The following NAMPT variants were observed in gnomAD, a reference collection of about 807,000 sequenced individuals.
NAMPT encodes NAmPRTase.
Under a neutral mutation model 58.7 loss-of-function variants are expected in NAMPT, and 7 were observed. That is an observed-to-expected ratio of 0.12 (90% CI 0.07 to 0.22). NAMPT has a LOEUF of 0.22. NAMPT is among the 10% of genes least tolerant of loss of function. The probability of loss-of-function intolerance (pLI) is 1.00; values close to 1 mark genes in which losing one functional copy is unlikely to be tolerated. For missense variants in NAMPT, 271 were observed against 567.9 expected, an observed-to-expected ratio of 0.48 and a Z score of 5.31; for synonymous variants, 145 against 198.1, an observed-to-expected ratio of 0.73 and a Z score of 2.25.
chr7:106,279,952 G>T (rs948575710), intron 1 of NAMPT, among the ~76,000 whole-genome samples: 1 of 152,092 alleles, frequency 6.6e-6, no homozygotes, highest in Non-Finnish European at 1.5e-5. Flanking sequence ...TAAAAGTATG[G>T]GGGCGGGGTG....
At chr7:106,262,682 C>T (rs1333663925) in intron 7 of NAMPT, among the ~76,000 whole-genome samples, 1 of 152,104 alleles carries the variant, frequency 6.6e-6, no homozygotes, top group Non-Finnish European at 1.5e-5. Flanking sequence ...GGATATCTGA[C>T]TCCTTATCTT....
At chr7:106,262,075 T>G (rs547883134) in intron 7 of NAMPT, among the ~76,000 whole-genome samples, 3 of 152,104 alleles carry the variant, frequency 2.0e-5, no homozygotes. Context: ...GATTATACTT[T>G]TAATTTGGAC....
intron 4 of NAMPT, 127 bp downstream of exon 4, chr7:106,272,403 A>G: frequency 1.3e-6 from 1 of 749,640 alleles, no homozygotes; most frequent in Non-Finnish European, 2.0e-6. Flanking sequence ...AGGAAATTGA[A>G]GCCTGGAAAG....
At chr7:106,272,002 C>A in intron 4 of NAMPT, 2 of 264,294 alleles carry the variant, frequency 7.6e-6, no homozygotes, top group Non-Finnish European at 1.6e-5. Flanking sequence ...AAACCCAAAG[C>A]CCAAAATGTA....
At chr7:106,285,662 C>A, upstream of NAMPT, 7 of 922,194 alleles carry the variant, frequency 7.6e-6, no homozygotes, top group Non-Finnish European at 9.1e-6. Flanking sequence ...GCTGAGGGGC[C>A]CCTTTCATCT....
intron 9 of NAMPT, 21 bp from the exon 10 acceptor site, chr7:106,253,172 G>A (rs1792133341): frequency 1.9e-6 from 3 of 1,608,556 alleles, no homozygotes; most frequent in Non-Finnish European, 1.7e-6. Context: ...AATTAAGAAA[G>A]TTAGACAAGT....
rs1047354887 is a variant in NAMPT at position 106,249,614 on chromosome 7, T to C, written c.*1469A>G. 3 of 152,024 alleles carry C rather than the reference T, an allele frequency of 2.0e-5. No individual in the cohort carries two copies. The highest frequency in any genetic ancestry group is 2.0e-4 in the Admixed American group (3 of 15,234). The allele number at this position is 152,024 out of a possible 1,614,324, so 9.4% of individuals were successfully genotyped here. On this transcript the variant is annotated 3_prime_UTR_variant, in exon 11 of 11. Transcript: ENST00000222553. ...AGATCAGGAAACTTTTTGTGTAATTTTGTGTAAAGGGCAGGTTAATAAACA... is the reference window on the plus strand; with the variant it reads ...AGATCAGGAAACTTTTTGTGTAATTCTGTGTAAAGGGCAGGTTAATAAACA...
Position 106,280,712 on chromosome 7 carries a change from C to T in NAMPT, c.58-3533G>A, listed in dbSNP as rs548063477. Among the ~76,000 whole-genome samples the T allele has an allele frequency of 1.1e-3, 162 of 152,146 alleles. 1 individual carries two copies. The highest frequency in any genetic ancestry group is 3.8e-3 in the African/African-American group (157 of 41,508). On this transcript the variant is annotated intron_variant, in intron 1 of 10. Coordinates refer to ENST00000222553, the MANE Select transcript of NAMPT (RefSeq NM_005746.3). The stretch of plus-strand genomic sequence containing the variant: ...ATCCCAGCACTTTGGGAGGCCAAGA[C>T]GGGTGGATCACGAGGTCGGGAGATG...
At chr7:106,256,842 G>A (rs1792210243) in intron 8 of NAMPT, among the ~76,000 whole-genome samples, 1 of 152,164 alleles carries the variant, frequency 6.6e-6, no homozygotes, top group Non-Finnish European at 1.5e-5. Flanking sequence ...AGGAACATCT[G>A]TATTATCCTT....
intron 4 of NAMPT, chr7:106,270,379 T>C (rs1792509831): frequency 3.3e-6 from 1 of 299,352 alleles, no homozygotes. Flanking sequence ...AAGCTTTTAC[T>C]GAATACCAGC....
In NAMPT at chr7:106,263,614, G is replaced by A. The variant is rs1792353630; in HGVS notation, c.747C>T (p.Thr249=). 3 of 1,610,158 alleles carry A rather than the reference G, an allele frequency of 1.9e-6. No individual in the cohort carries two copies. The highest frequency in any genetic ancestry group is 2.7e-5 in the African/African-American group (2 of 74,578). The change falls in exon 7 of 11, where the codon ACC becomes ACT. Residue 249 remains threonine (T), a synonymous_variant. Transcript: ENST00000222553. ...GYSVPAAEHS[T]ITAWGKDHEK... ...CATGGTCTTTCCCCCAAGCTGTTAT[G>A]GTACTAGAAAAAAAAATGAAAACAC...
At chr7:106,282,214 TTC>T (rs1274701458) in intron 1 of NAMPT, among the ~76,000 whole-genome samples, 1 of 152,064 alleles carries the variant, frequency 6.6e-6, no homozygotes, top group East Asian at 1.9e-4. Context: ...AAGCAAAATT[TTC>T]TTTTTTTTTG....
At chr7:106,285,219 C>A, upstream of NAMPT, 4 of 1,084,974 alleles carry the variant, frequency 3.7e-6, no homozygotes, top group Non-Finnish European at 4.6e-6. Context: ...GGAGGCGGGG[C>A]GGGGAGGAGG....
chr7:106,255,360 CAGAA>C (rs913862281), intron 8 of NAMPT, among the ~76,000 whole-genome samples: 5 of 140,854 alleles, frequency 3.5e-5, no homozygotes, highest in African/African-American at 5.3e-5. Flanking sequence ...AATAGTCAAA[CAGAA>C]AGCAACTGGA....
intron 8 of NAMPT, among the ~76,000 whole-genome samples, chr7:106,261,008 T>A (rs545316139): frequency 1.2e-4 from 18 of 152,216 alleles, no homozygotes; most frequent in Non-Finnish European, 2.6e-4. Flanking sequence ...AGTGAATACA[T>A]GTTGGAAAAA....
chr7:106,267,828 G>A lies in NAMPT; in HGVS notation c.743+636C>T, dbSNP rs1355326273. On this transcript the variant is annotated intron_variant, in intron 6 of 10. Coordinates refer to ENST00000222553, the MANE Select transcript of NAMPT (RefSeq NM_005746.3). ...TGCACTCCAGCCTGGGCGACAGAGC[G>A]AGACTCCGTCTCAAAAAAAAAAAAA... Among the ~76,000 whole-genome samples the A allele has an allele frequency of 2.9e-4, 15 of 52,608 alleles. No individual in the cohort carries two copies. The East Asian group carries it at 4.5e-3, about 16-fold the overall frequency. The allele number at this position is 52,608 out of a possible 152,430, so 34.5% of individuals were successfully genotyped here.
chr7:106,280,783 T>C (rs1461019753), intron 1 of NAMPT, among the ~76,000 whole-genome samples: 2 of 151,506 alleles, frequency 1.3e-5, no homozygotes, highest in African/African-American at 4.9e-5. Flanking sequence ...CTACTAAAAA[T>C]ACAAAAAACT....
chr7:106,255,307 T>C (rs761768756), intron 8 of NAMPT, among the ~76,000 whole-genome samples: 3 of 152,232 alleles, frequency 2.0e-5, no homozygotes, highest in Non-Finnish European at 4.4e-5. Flanking sequence ...ACTTTGATGA[T>C]AGAATGTGGC....
intron 8 of NAMPT, among the ~76,000 whole-genome samples, chr7:106,257,144 C>CAA (rs919905307): frequency 7.3e-6 from 1 of 136,364 alleles, no homozygotes; most frequent in Non-Finnish European, 1.6e-5. Flanking sequence ...AACTCCATCT[C>CAA]AAAAAAAAAA....
Sources: gnomAD v4.1 joint callset for allele counts (sites outside exome capture counted in the v4.1 genomes callset) on GRCh38, gnomAD v4.1.1 for gene constraint, MANE v1.5 for transcripts, NCBI Gene and HGNC (gene_info 2026-07-23, HGNC 2026-07-21) for gene names.